Variants in RORA observed in about 807,000 individuals in gnomAD.
The protein encoded by RORA is nuclear receptor ROR-alpha.
A neutral mutation model predicts 69.5 loss-of-function variants in RORA; 7 were observed. That is an observed-to-expected ratio of 0.10 (90% CI 0.06 to 0.19). The LOEUF is 0.19. RORA is among the 10% of genes least tolerant of loss of function. The probability of loss-of-function intolerance (pLI) is 1.00; values close to 1 mark genes in which losing one functional copy is unlikely to be tolerated. For missense variants in RORA, 457 were observed against 663.0 expected (o/e 0.69, Z 3.41); for synonymous variants, 261 against 240.8 (o/e 1.08, Z -0.78).
chr15:61,000,097 A>G (rs60219411), intron 1 of RORA, among the ~76,000 whole-genome samples: 8,768 of 152,246 alleles, frequency 0.058, 835 homozygotes, highest in African/African-American at 0.2. Flanking sequence ...CACAGTTACA[A>G]TCGTTTAACA....
chr15:60,922,484 C>T (rs906085954), intron 1 of RORA, among the ~76,000 whole-genome samples: 6 of 152,272 alleles, frequency 3.9e-5, no homozygotes, highest in Admixed American at 3.3e-4. Context: ...AATAAAGTCT[C>T]TTTAAGAAGA....
At chr15:60,831,069 G>A (rs558147228) in intron 1 of RORA, among the ~76,000 whole-genome samples, 19 of 152,360 alleles carry the variant, frequency 1.2e-4, no homozygotes, top group Non-Finnish European at 2.5e-4. Flanking sequence ...GATAGTGAAA[G>A]AGAAGCAGAT....
At chr15:61,180,671 T>C (rs1235109669) in intron 1 of RORA, among the ~76,000 whole-genome samples, 1 of 152,248 alleles carries the variant, frequency 6.6e-6, no homozygotes, top group Non-Finnish European at 1.5e-5. Context: ...TGGTAACACA[T>C]TCTATTGAAA....
At chr15:60,877,627 A>G (rs1000447843) in intron 1 of RORA, among the ~76,000 whole-genome samples, 2 of 152,228 alleles carry the variant, frequency 1.3e-5, no homozygotes, top group African/African-American at 2.4e-5. Context: ...AGCATTTTTA[A>G]TGAAAACACC....
At chr15:60,981,290 C>A (rs1248498266) in intron 1 of RORA, among the ~76,000 whole-genome samples, 1 of 152,012 alleles carries the variant, frequency 6.6e-6, no homozygotes, top group Non-Finnish European at 1.5e-5. Flanking sequence ...CAGTGCAGAT[C>A]TATTCTAGTT....
At chr15:60,620,958 G>A (rs1025709714) in intron 2 of RORA, among the ~76,000 whole-genome samples, 1 of 152,208 alleles carries the variant, frequency 6.6e-6, no homozygotes, top group African/African-American at 2.4e-5. Context: ...CCCGGGCTGC[G>A]TTTCTTATGC....
intron 2 of RORA, among the ~76,000 whole-genome samples, chr15:60,612,684 T>TTC (rs1438738401): frequency 2.5e-5 from 3 of 120,332 alleles, no homozygotes; most frequent in Non-Finnish European, 3.4e-5. Context: ...TTTTTTTTTT[T>TTC]TCTCTCTCTC....
At chr15:60,998,443 G>C (rs1005069045) in intron 1 of RORA, among the ~76,000 whole-genome samples, 1 of 151,808 alleles carries the variant, frequency 6.6e-6, no homozygotes, top group South Asian at 2.1e-4. Context: ...CTTTGCCCAG[G>C]CTGGAGTGCA....
chr15:61,212,121 T>C lies in RORA; in HGVS notation c.166+16932A>G. Reference sequence around the variant, plus strand: ...CTACGAAGTCTTCCTCCCAGGGCAATAAGGAGACCTATCCACAGCTACTAT... The same window carrying C: ...CTACGAAGTCTTCCTCCCAGGGCAACAAGGAGACCTATCCACAGCTACTAT... On this transcript the variant is annotated intron_variant, in intron 1 of 10. Transcript: ENST00000335670. Among the ~76,000 whole-genome samples, 2 of 152,118 alleles carry C rather than the reference T, an allele frequency of 1.3e-5. 1 individual carries two copies. The highest frequency in any genetic ancestry group is 2.9e-5 in the Non-Finnish European group (2 of 68,000).
chr15:60,900,871 C>CA (rs112193468), intron 1 of RORA, among the ~76,000 whole-genome samples: 1 of 150,692 alleles, frequency 6.6e-6, no homozygotes, highest in South Asian at 2.1e-4. Flanking sequence ...GACTCCATCT[C>CA]AAAAAAAATA....
chr15:60,829,394 CTTTGAGGTCACG>C (rs1567205715), intron 1 of RORA, among the ~76,000 whole-genome samples: 1 of 152,138 alleles, frequency 6.6e-6, no homozygotes, highest in African/African-American at 2.4e-5. Context: ...TTTTCAGGAC[CTTTGAGGTCACG>C]TCTTAGAGGT....
chr15:60,651,111 A>T (rs766644458), intron 2 of RORA, among the ~76,000 whole-genome samples: 2 of 152,184 alleles, frequency 1.3e-5, no homozygotes, highest in Non-Finnish European at 2.9e-5. Flanking sequence ...AACAGTTTTG[A>T]TTAGGGAGCG....
intron 1 of RORA, among the ~76,000 whole-genome samples, chr15:61,163,982 C>A (rs2079519188): frequency 6.6e-6 from 1 of 152,154 alleles, no homozygotes; most frequent in Non-Finnish European, 1.5e-5. Flanking sequence ...TGAGTCTGGG[C>A]TCAATAAACT....
chr15:61,070,408 G>C (rs1047747409), intron 1 of RORA, among the ~76,000 whole-genome samples: 2 of 152,204 alleles, frequency 1.3e-5, no homozygotes, highest in Non-Finnish European at 2.9e-5. Context: ...AGGTATGGTA[G>C]AAGAGACCCC....
intron 2 of RORA, among the ~76,000 whole-genome samples, chr15:60,563,065 A>C (rs2067622205): frequency 1.3e-5 from 2 of 152,160 alleles, no homozygotes; most frequent in African/African-American, 4.8e-5. Flanking sequence ...TATTTTCTGA[A>C]TCTTGTTACT....
Position 60,964,116 on chromosome 15 carries a change from C to T in RORA, c.166+264937G>A, listed in dbSNP as rs150150204. Among the ~76,000 whole-genome samples the T allele has an allele frequency of 7.7e-3, 1,165 of 152,276 alleles. 8 individuals carry two copies. Among genetic ancestry groups the T allele is most frequent in the Non-Finnish European group, 0.011 (731 of 68,016 alleles). ...AGCCCAGAAAGTCTTAATAATTTGA[C>T]CATGGTCACATAGCTGGTAAGTGGT... is the stretch of plus-strand genomic sequence containing the variant. On this transcript the variant is annotated intron_variant, in intron 1 of 10. Coordinates refer to ENST00000335670, the MANE Select transcript of RORA (RefSeq NM_134261.3).
At chr15:60,738,329 A>T (rs2071529627) in intron 1 of RORA, among the ~76,000 whole-genome samples, 1 of 152,234 alleles carries the variant, frequency 6.6e-6, no homozygotes, top group Admixed American at 6.5e-5. Flanking sequence ...AATATTTTAC[A>T]ACACAGTTAC....
chr15:60,986,411 T>A (rs548018799), intron 1 of RORA, among the ~76,000 whole-genome samples: 162 of 152,208 alleles, frequency 1.1e-3, no homozygotes, highest in Non-Finnish European at 2.1e-3. Context: ...TAGTTTCCTA[T>A]CACTACAATT....
intron 1 of RORA, among the ~76,000 whole-genome samples, chr15:60,933,432 G>A (rs989033375): frequency 3.9e-5 from 6 of 152,084 alleles, no homozygotes; most frequent in Admixed American, 2.0e-4. Flanking sequence ...TTTTGCCTAC[G>A]CTTCCAGGCT....
Sources: gnomAD v4.1 joint callset for allele counts (sites outside exome capture counted in the v4.1 genomes callset) on GRCh38, gnomAD v4.1.1 for gene constraint, MANE v1.5 for transcripts, NCBI Gene and HGNC (gene_info 2026-07-23, HGNC 2026-07-21) for gene names.